CAST: variants seen among roughly 807,000 people sequenced by gnomAD.
The protein encoded by CAST is calpastatin, also known as MIR583 host.
A neutral mutation model predicts 119.6 loss-of-function variants in CAST; 76 were observed. That is an observed-to-expected ratio of 0.64 (90% CI 0.53 to 0.77). The LOEUF is 0.77. Among genes scored for constraint, CAST ranks in the 30% least tolerant of loss-of-function variants. The pLI is 0.00. For missense variants in CAST, 953 were observed against 946.5 expected (o/e 1.01, Z -0.09); for synonymous variants, 319 against 331.6 (o/e 0.96, Z 0.41).
chr5:96,432,291 G>C, the CAST span: 2 of 650,854 alleles, frequency 3.1e-6, no homozygotes, highest in Non-Finnish European at 2.6e-6. Flanking sequence ...GCTACTCCGC[G>C]GCCTCCCAAC....
At chr5:96,623,937 G>A (rs375474758) in intron 1 of CAST, among the ~76,000 whole-genome samples, 40 of 151,976 alleles carry the variant, frequency 2.6e-4, no homozygotes, top group African/African-American at 8.0e-4. Flanking sequence ...AGACTCAAGC[G>A]ATCCTCCCAC....
At chr5:96,233,823 A>C in the CAST span, among the ~76,000 whole-genome samples, 1 of 152,322 alleles carries the variant, frequency 6.6e-6, no homozygotes, top group South Asian at 2.1e-4. Flanking sequence ...TATATAAAAC[A>C]GAAACCTTAT....
chr5:96,536,239 A>G (rs577377045), intron 1 of CAST, among the ~76,000 whole-genome samples: 96 of 151,964 alleles, frequency 6.3e-4, no homozygotes, highest in Non-Finnish European at 1.3e-3. Context: ...GACGCCTGTA[A>G]TCCCAGTTAC....
At chr5:96,427,861 T>G in the CAST span, among the ~76,000 whole-genome samples, 1 of 152,128 alleles carries the variant, frequency 6.6e-6, no homozygotes, top group African/African-American at 2.4e-5. Context: ...TTATTCTGCT[T>G]TTCAGAGCCC....
chr5:96,321,769 T>C, the CAST span, among the ~76,000 whole-genome samples: 3 of 152,206 alleles, frequency 2.0e-5, no homozygotes, highest in African/African-American at 4.8e-5. Flanking sequence ...GTTTGAGTTA[T>C]AAAGAAAAAT....
chr5:96,679,513 G>A lies in CAST; in HGVS notation c.138+3912G>A, dbSNP rs149355075. On this transcript the variant is annotated intron_variant, in intron 2 of 31. Coordinates refer to ENST00000675179, the MANE Select transcript of CAST (RefSeq NM_001750.7). ...ACACATCCGGCCACACTGAGAGAGT[G>A]TGAATCTTTTAGCAACATATTTCAG... The A allele has an allele frequency of 1.6e-3, 246 of 152,304 alleles. 1 individual carries two copies. Among genetic ancestry groups the A allele is most frequent in the African/African-American group, 5.2e-3 (215 of 41,562 alleles). The allele number at this position is 152,304 out of a possible 1,614,324, so 9.4% of individuals were successfully genotyped here. A position where few individuals can be genotyped will look rare whatever the true frequency, so the allele number is the denominator to read the frequency against.
the CAST span, among the ~76,000 whole-genome samples, chr5:96,192,676 C>A: frequency 2.0e-5 from 3 of 152,194 alleles, no homozygotes; most frequent in Non-Finnish European, 4.4e-5. Context: ...CTTCCTACCC[C>A]ATCAACGTCA....
chr5:96,660,061 C>A (rs989158350), upstream of CAST, among the ~76,000 whole-genome samples: 3 of 152,170 alleles, frequency 2.0e-5, no homozygotes, highest in Non-Finnish European at 2.9e-5. Context: ...GATTTTGATA[C>A]CTAATATATC....
At chr5:96,544,385 G>T (rs1053085458) in intron 1 of CAST, among the ~76,000 whole-genome samples, 2 of 152,060 alleles carry the variant, frequency 1.3e-5, no homozygotes, top group African/African-American at 4.8e-5. Flanking sequence ...AATTACATTT[G>T]TATATTAACC....
At chr5:96,130,339 CA>C in the CAST span, among the ~76,000 whole-genome samples, 4 of 150,820 alleles carry the variant, frequency 2.7e-5, no homozygotes, top group African/African-American at 9.7e-5. Flanking sequence ...TCAAGGCCAT[CA>C]AAAAACAAAG....
the CAST span, among the ~76,000 whole-genome samples, chr5:96,207,947 C>T: frequency 3.3e-5 from 5 of 151,766 alleles, no homozygotes; most frequent in African/African-American, 1.2e-4. Context: ...GGTTGTTAGG[C>T]TTTTTATTAG....
chr5:96,539,297 T>G (rs1419902761), intron 1 of CAST, among the ~76,000 whole-genome samples: 2 of 152,246 alleles, frequency 1.3e-5, no homozygotes, highest in Non-Finnish European at 2.9e-5. Context: ...GCCAATTGTT[T>G]GAAGTGGCAG....
At chr5:96,489,944 A>C in the CAST span, among the ~76,000 whole-genome samples, 1 of 152,198 alleles carries the variant, frequency 6.6e-6, no homozygotes, top group South Asian at 2.1e-4. Flanking sequence ...ATCCTCTAGA[A>C]GTCACTTCTA....
At chr5:96,352,383 T>G in the CAST span, among the ~76,000 whole-genome samples, 6,296 of 152,230 alleles carry the variant, frequency 0.041, 376 homozygotes, top group African/African-American at 0.14. Context: ...GCTTTGTATA[T>G]GTGTTTGTGG....
chr5:96,433,063 C>G, the CAST span: 3 of 1,611,312 alleles, frequency 1.9e-6, no homozygotes, highest in Admixed American at 3.3e-5. Context: ...CTCGCTTGAA[C>G]AAGAGTGGGA....
chr5:96,769,679 C>T (rs895403036), intron 29 of CAST: 1 of 151,942 alleles, frequency 6.6e-6, no homozygotes, highest in Non-Finnish European at 1.5e-5. Flanking sequence ...TAACTCTCTA[C>T]ACTTGTTCAT....
chr5:96,559,843 G>A (rs1311453433), intron 1 of CAST, among the ~76,000 whole-genome samples: 1 of 152,012 alleles, frequency 6.6e-6, no homozygotes, highest in Admixed American at 6.6e-5. Context: ...TCACAGAATT[G>A]GAAAAAACTA....
chr5:96,345,176 C>T, the CAST span, among the ~76,000 whole-genome samples: 1 of 152,074 alleles, frequency 6.6e-6, no homozygotes, highest in Non-Finnish European at 1.5e-5. Flanking sequence ...TCTCACTGGC[C>T]CCAATGGTTT....
intron 1 of CAST, among the ~76,000 whole-genome samples, chr5:96,554,774 T>A (rs901830531): frequency 5.9e-5 from 9 of 152,298 alleles, no homozygotes; most frequent in African/African-American, 1.9e-4. Flanking sequence ...AAAGAAGACA[T>A]TTATGCAGCC....
Sources: allele counts gnomAD v4.1 joint callset (sites outside exome capture counted in the v4.1 genomes callset), GRCh38; gene constraint gnomAD v4.1.1; transcripts MANE v1.5; gene names NCBI Gene and HGNC (gene_info 2026-07-23, HGNC 2026-07-21).